Variants in HDAC4 observed in about 807,000 individuals in gnomAD.
HDAC4 encodes the protein histone deacetylase 4.
HDAC4 carries 16 observed loss-of-function variants against 135.1 expected under a neutral mutation model. The ratio of observed to expected loss-of-function variants is 0.12; its 90% CI spans 0.08 to 0.18. The LOEUF is 0.18. Among genes scored for constraint, HDAC4 ranks in the 10% least tolerant of loss-of-function variants. HDAC4 has a pLI of 1.00. For synonymous variants in HDAC4, 685 were observed against 653.4 expected, an observed-to-expected ratio of 1.05 and a Z score of -0.74; for missense variants, 1,143 against 1,511.8, an observed-to-expected ratio of 0.76 and a Z score of 4.05.
At chr2:239,152,843 A>G (rs1343964507) in intron 7 of HDAC4, among the ~76,000 whole-genome samples, 1 of 152,174 alleles carries the variant, frequency 6.6e-6, no homozygotes, top group Non-Finnish European at 1.5e-5. Flanking sequence ...AAAACACCCT[A>G]ACAGCGTAGA....
rs993239838 is a variant in HDAC4, at chr2:239,115,071, C to G, written c.1773G>C (p.Gln591His). The G allele has an allele frequency of 6.2e-6, 10 of 1,611,082 alleles. No individual in the cohort carries two copies. The Admixed American group carries it at 1.2e-4, about 19-fold the overall frequency. ...CGGTCACCTGTCTGAAGAGCAGCTC[C>G]TGCTCACTGGGCTGGCGCTGGCCCG... Reference protein sequence around the residue: ...VEPGQRQPSEQELLFRQQALL... With the variant: ...VEPGQRQPSEHELLFRQQALL... The change falls in exon 13 of 27, where the codon CAG becomes CAC. Residue 591 changes from glutamine to histidine, a missense_variant. Transcript: ENST00000543185. This position sits in a 1 kb window ranked among gnomAD's most constrained non-coding sequence, Gnocchi z 6.3.
intron 3 of HDAC4, among the ~76,000 whole-genome samples, chr2:239,196,540 C>A (rs996221956): frequency 2.0e-5 from 3 of 152,186 alleles, no homozygotes; most frequent in Non-Finnish European, 4.4e-5. Flanking sequence ...CGATGGTTCC[C>A]GGGACAGGAC....
chr2:239,188,657 G>A (rs772493401), intron 4 of HDAC4, among the ~76,000 whole-genome samples: 3 of 152,232 alleles, frequency 2.0e-5, no homozygotes, highest in South Asian at 2.1e-4. Flanking sequence ...CATGCCCTAC[G>A]TGCGACCCAG....
chr2:239,107,521 C>T (rs759851955), intron 15 of HDAC4, among the ~76,000 whole-genome samples: 41 of 152,360 alleles, frequency 2.7e-4, no homozygotes, highest in South Asian at 6.2e-4. Flanking sequence ...CCCACTGCCT[C>T]GCCAGCACCT....
At chr2:239,261,674 T>C (rs2049375544) in intron 2 of HDAC4, among the ~76,000 whole-genome samples, 1 of 152,112 alleles carries the variant, frequency 6.6e-6, no homozygotes, top group Non-Finnish European at 1.5e-5. Flanking sequence ...GTCTCCCTGC[T>C]GAAGAAAAGC....
intron 2 of HDAC4, among the ~76,000 whole-genome samples, chr2:239,282,789 TAC>T: frequency 7.6e-6 from 1 of 132,248 alleles, no homozygotes; most frequent in Admixed American, 7.6e-5. Context: ...CACACCCCTC[TAC>T]ACACAATGTA....
chr2:239,335,581 C>T (rs1691888243), intron 2 of HDAC4, among the ~76,000 whole-genome samples: 1 of 120,806 alleles, frequency 8.3e-6, no homozygotes, highest in Non-Finnish European at 1.8e-5. Context: ...TAGCAACAAA[C>T]AACAAAAAGC....
chr2:239,333,472 C>T (rs937704414), intron 2 of HDAC4, among the ~76,000 whole-genome samples: 11 of 151,990 alleles, frequency 7.2e-5, no homozygotes, highest in East Asian at 1.9e-4. Context: ...AAAAATAACA[C>T]GTCAATCTCA....
intron 2 of HDAC4, among the ~76,000 whole-genome samples, chr2:239,321,337 C>T (rs577362141): frequency 3.6e-4 from 54 of 151,874 alleles, no homozygotes; most frequent in African/African-American, 1.2e-3. Flanking sequence ...TGGTGGCGGG[C>T]GCCTGTAGTC....
rs376522934 is a variant in HDAC4 at position 239,114,383 on chromosome 2, G to A, written c.1791+670C>T. 4.6e-5 allele frequency among the ~76,000 whole-genome samples: 7 copies of A among 152,326 alleles called. No homozygotes were observed. In the East Asian group the frequency reaches 7.7e-4, roughly 17 times the overall value. On this transcript the variant is annotated intron_variant, in intron 13 of 26. Coordinates refer to ENST00000543185, the MANE Select transcript of HDAC4 (RefSeq NM_001378414.1). ...TCCTCGGACTGGCTTCCTGCCTACAGGGAGGAAGCCACTTTCCTGAGGGCA... is the reference window on the plus strand; with the variant it reads ...TCCTCGGACTGGCTTCCTGCCTACAAGGAGGAAGCCACTTTCCTGAGGGCA...
chr2:239,127,625 G>A (rs1016487367), intron 11 of HDAC4, among the ~76,000 whole-genome samples: 1 of 152,198 alleles, frequency 6.6e-6, no homozygotes, highest in Non-Finnish European at 1.5e-5. Context: ...ACCCTGACCC[G>A]CTCAAGGGCA....
chr2:239,233,786 C>G (rs1193812620), intron 3 of HDAC4, among the ~76,000 whole-genome samples: 2 of 152,196 alleles, frequency 1.3e-5, no homozygotes, highest in East Asian at 1.9e-4. Context: ...GCTCCAAGTA[C>G]ACACTCATCT....
chr2:239,080,707 T>C (rs1012080188), intron 22 of HDAC4, among the ~76,000 whole-genome samples: 11 of 152,220 alleles, frequency 7.2e-5, no homozygotes, highest in South Asian at 2.1e-4. Flanking sequence ...CTTATTTCCA[T>C]TGGACATCAC....
chr2:239,299,580 A>G lies in HDAC4; in HGVS notation c.22+53098T>C, dbSNP rs1454117165. Reference sequence around the variant, plus strand: ...ACGTGCTTATTTGTATTAATGTTTAACAGACTAAGGGCCAACATTTGCTTA... The same window carrying G: ...ACGTGCTTATTTGTATTAATGTTTAGCAGACTAAGGGCCAACATTTGCTTA... On this transcript the variant is annotated intron_variant, in intron 2 of 26. Coordinates refer to ENST00000543185, the MANE Select transcript of HDAC4 (RefSeq NM_001378414.1). This position sits in a 1 kb window ranked among gnomAD's most constrained non-coding sequence, Gnocchi z 4.0. 6.6e-6 allele frequency among the ~76,000 whole-genome samples: 1 copy of G among 152,230 alleles called. No individual in the cohort carries two copies. The highest frequency in any genetic ancestry group is 1.5e-5 in the Non-Finnish European group (1 of 68,044).
At chr2:239,116,810 C>T (rs573698253) in intron 12 of HDAC4, among the ~76,000 whole-genome samples, 131 of 152,324 alleles carry the variant, frequency 8.6e-4, no homozygotes, top group Non-Finnish European at 1.4e-3. Context: ...GCCTCCAGCC[C>T]GCTGCTTGCC....
intron 20 of HDAC4, among the ~76,000 whole-genome samples, chr2:239,083,847 T>C (rs1251833099): frequency 1.3e-5 from 2 of 152,158 alleles, no homozygotes; most frequent in African/African-American, 4.8e-5. Context: ...AAAGTAGATG[T>C]GGACACAGCC....
Position 239,364,298 on chromosome 2 carries a change from C to T in HDAC4, c.-219-11380G>A, listed in dbSNP as rs143011350. On this transcript the variant is annotated intron_variant, in intron 1 of 26. Transcript: ENST00000543185. ...CCTCCCAAACGTGCCAAAAGCTGCA[C>T]GAATAAATACCTTGTGATGTCATCA... 2.7e-3 allele frequency among the ~76,000 whole-genome samples: 405 copies of T among 152,288 alleles called. 1 individual carries two copies. The highest frequency in any genetic ancestry group is 9.1e-3 in the African/African-American group (377 of 41,564).
At chr2:239,123,366 G>A (rs2039860642) in intron 12 of HDAC4, among the ~76,000 whole-genome samples, 1 of 152,118 alleles carries the variant, frequency 6.6e-6, no homozygotes, top group South Asian at 2.1e-4. Flanking sequence ...CCTGCTGTCC[G>A]CTGATGAGGG....
intron 14 of HDAC4, among the ~76,000 whole-genome samples, 158 bp from the exon 15 acceptor site, chr2:239,108,341 C>G (rs1167104532): frequency 1.3e-5 from 2 of 152,222 alleles, no homozygotes; most frequent in Non-Finnish European, 2.9e-5. Context: ...TGCCAAGACT[C>G]CTTGACTGGC....
Sources: gnomAD v4.1 joint callset for allele counts (sites outside exome capture counted in the v4.1 genomes callset) on GRCh38, gnomAD v4.1.1 for gene constraint, Gnocchi (gnomAD v3.1) non-coding constraint, MANE v1.5 for transcripts, NCBI Gene and HGNC (gene_info 2026-07-23, HGNC 2026-07-21) for gene names.